The following NKAIN2 variants were observed in gnomAD, a reference collection of about 807,000 sequenced individuals.
NKAIN2 encodes sodium/potassium transporting ATPase interacting 2.
A neutral mutation model predicts 32.6 loss-of-function variants in NKAIN2; 14 were observed. The observed-to-expected ratio is 0.43, with a 90% confidence interval of 0.28 to 0.67. NKAIN2 has a LOEUF of 0.67. NKAIN2 is among the 30% of genes least tolerant of loss of function. The pLI is 0.17. For missense variants in NKAIN2, 198 were observed against 258.3 expected (o/e 0.77, Z 1.60); for synonymous variants, 80 against 87.2 (o/e 0.92, Z 0.46).
At chr6:124,384,496 G>T (rs772624415) in intron 3 of NKAIN2, among the ~76,000 whole-genome samples, 1 of 152,124 alleles carries the variant, frequency 6.6e-6, no homozygotes, top group Non-Finnish European at 1.5e-5. Context: ...TAAATTATGT[G>T]CTTTATCAAG....
rs186391873 is a variant in NKAIN2, at chr6:124,081,471, G to T, written c.55-201534G>T. On this transcript the variant is annotated intron_variant, in intron 1 of 6. Coordinates refer to ENST00000368417, the MANE Select transcript of NKAIN2 (RefSeq NM_001040214.3). ...CATATTCTGTTTCTCCTCTTTACTAGAATTGAATGGTATTATCTTTAGAAT... is the reference window on the plus strand; with the variant it reads ...CATATTCTGTTTCTCCTCTTTACTATAATTGAATGGTATTATCTTTAGAAT... Among the ~76,000 whole-genome samples, 344 of 151,996 alleles carry T rather than the reference G, an allele frequency of 2.3e-3. 1 individual carries two copies. The highest frequency in any genetic ancestry group is 3.6e-3 in the Admixed American group (55 of 15,238).
chr6:123,960,245 C>A (rs183119738), intron 1 of NKAIN2, among the ~76,000 whole-genome samples: 1 of 152,308 alleles, frequency 6.6e-6, no homozygotes, highest in East Asian at 1.9e-4. Flanking sequence ...TGGCTAATGG[C>A]CATCAGGTTG....
chr6:124,759,196 C>T (rs1047942449), intron 4 of NKAIN2, among the ~76,000 whole-genome samples: 1 of 152,090 alleles, frequency 6.6e-6, no homozygotes. Flanking sequence ...GGCAGATCAT[C>T]TATGTAATCT....
At chr6:124,625,125 T>C (rs1363671126) in intron 3 of NKAIN2, among the ~76,000 whole-genome samples, 5 of 152,130 alleles carry the variant, frequency 3.3e-5, no homozygotes, top group African/African-American at 1.2e-4. Flanking sequence ...CCCCCTGTCT[T>C]CCTGACACTA....
At chr6:124,821,820 A>G (rs927132813) in intron 6 of NKAIN2, among the ~76,000 whole-genome samples, 1 of 152,228 alleles carries the variant, frequency 6.6e-6, no homozygotes, top group African/African-American at 2.4e-5. Context: ...AAAACATCCC[A>G]TAGGAGACCT....
intron 3 of NKAIN2, among the ~76,000 whole-genome samples, chr6:124,634,103 A>G (rs1055143008): frequency 7.9e-5 from 12 of 151,910 alleles, no homozygotes; most frequent in Non-Finnish European, 1.5e-5. Context: ...GGGGAAAAAA[A>G]AAAAATTTCC....
At chr6:124,713,885 A>G (rs1775619714) in intron 4 of NKAIN2, among the ~76,000 whole-genome samples, 1 of 152,196 alleles carries the variant, frequency 6.6e-6, no homozygotes, top group South Asian at 2.1e-4. Flanking sequence ...CACCTGTCAG[A>G]GATGCTATAG....
At chr6:124,384,117 G>A (rs73770464) in intron 3 of NKAIN2, among the ~76,000 whole-genome samples, 4,729 of 152,024 alleles carry the variant, frequency 0.031, 217 homozygotes, top group African/African-American at 0.11. Context: ...AGTTGTCTTC[G>A]TTGTACTTAT....
chr6:124,195,928 T>C (rs1790292686), intron 1 of NKAIN2, among the ~76,000 whole-genome samples: 1 of 152,072 alleles, frequency 6.6e-6, no homozygotes, highest in African/African-American at 2.4e-5. Flanking sequence ...CTAGTGTACT[T>C]GGGAAACACT....
intron 3 of NKAIN2, among the ~76,000 whole-genome samples, chr6:124,472,826 A>C (rs1204181239): frequency 6.6e-6 from 1 of 152,066 alleles, no homozygotes; most frequent in Admixed American, 6.6e-5. Flanking sequence ...ACATAATTCT[A>C]AATATATATA....
intron 2 of NKAIN2, among the ~76,000 whole-genome samples, chr6:124,294,696 C>T (rs1277610231): frequency 6.6e-6 from 1 of 152,072 alleles, no homozygotes; most frequent in Non-Finnish European, 1.5e-5. Context: ...TTTGTGATTG[C>T]CCAGCTGACT....
chr6:124,494,661 T>C (rs993164274), intron 3 of NKAIN2, among the ~76,000 whole-genome samples: 1 of 152,144 alleles, frequency 6.6e-6, no homozygotes, highest in East Asian at 1.9e-4. Flanking sequence ...AGAGACCAAG[T>C]AAATTTAATT....
At chr6:124,103,950 G>A (rs1191182708) in intron 1 of NKAIN2, among the ~76,000 whole-genome samples, 1 of 152,122 alleles carries the variant, frequency 6.6e-6, no homozygotes, top group Non-Finnish European at 1.5e-5. Context: ...AGCTAGGCAT[G>A]GTGGCAGGAG....
chr6:124,437,266 A>G (rs1023451345), intron 3 of NKAIN2, among the ~76,000 whole-genome samples: 1 of 152,194 alleles, frequency 6.6e-6, no homozygotes, highest in Non-Finnish European at 1.5e-5. Flanking sequence ...TTTCTTGTTT[A>G]TAATATATCA....
intron 4 of NKAIN2, among the ~76,000 whole-genome samples, chr6:124,770,297 G>A (rs1317033810): frequency 6.6e-6 from 1 of 152,094 alleles, no homozygotes; most frequent in Admixed American, 6.6e-5. Context: ...ATGTCAGGCA[G>A]CCTTCCCCTT....
chr6:124,355,195 T>G, intron 2 of NKAIN2, 72 bp from the exon 3 acceptor site: 1 of 975,004 alleles, frequency 1.0e-6, no homozygotes. Flanking sequence ...TGTGCGAAAG[T>G]TCGTTTTATT....
chr6:124,672,514 G>T (rs1245836377), intron 4 of NKAIN2, among the ~76,000 whole-genome samples: 1 of 151,994 alleles, frequency 6.6e-6, no homozygotes, highest in Non-Finnish European at 1.5e-5. Context: ...AGAAGTAAGA[G>T]AAATATCTTT....
intron 1 of NKAIN2, among the ~76,000 whole-genome samples, chr6:124,237,983 T>C (rs1467635819): frequency 1.3e-5 from 2 of 152,258 alleles, no homozygotes; most frequent in East Asian, 3.9e-4. Context: ...ATTAAATGTA[T>C]AGCACAAGAG....
At chr6:124,158,371 A>G (rs2114434063) in intron 1 of NKAIN2, among the ~76,000 whole-genome samples, 1 of 152,242 alleles carries the variant, frequency 6.6e-6, no homozygotes, top group East Asian at 1.9e-4. Flanking sequence ...ACTCTGTCAT[A>G]CCAGGGGTTA....
Sources: gnomAD v4.1 joint callset for allele counts (sites outside exome capture counted in the v4.1 genomes callset) on GRCh38, gnomAD v4.1.1 for gene constraint, MANE v1.5 for transcripts, NCBI Gene and HGNC (gene_info 2026-07-23, HGNC 2026-07-21) for gene names.